The following OR8G5 variants were observed in gnomAD, a reference collection of about 807,000 sequenced individuals.
OR8G5 encodes the protein olfactory receptor family 8 subfamily G member 5, also known as olfactory receptor 8G5.
For synonymous variants in OR8G5, 147 were observed against 147.7 expected, an observed-to-expected ratio of 1.00 and a Z score of 0.03; for missense variants, 347 against 371.9, an observed-to-expected ratio of 0.93 and a Z score of 0.55.
At chr11:124,256,946 CTA>C (rs1315586982) in intron 1 of OR8G5, among the ~76,000 whole-genome samples, 2 of 152,156 alleles carry the variant, frequency 1.3e-5, no homozygotes, top group African/African-American at 4.8e-5. Context: ...GAGAATGGTT[CTA>C]TGATTATTAT....
chr11:124,265,012 C>G lies in OR8G5; in HGVS notation c.81C>G (p.Leu27=). The change falls in exon 2 of 2, where the codon CTC becomes CTG. Residue 27 remains leucine, a synonymous_variant. Coordinates refer to ENST00000641992, the MANE Select transcript of OR8G5 (RefSeq NM_001005198.2). ...LTEKSELQLP[L]FLVFLGIYVV... The stretch of plus-strand genomic sequence containing the variant: ...AGAAGTCAGAGCTACAGCTGCCCCT[C>G]TTCCTCGTCTTCCTGGGAATCTATG... 1 of 1,614,012 alleles carries G rather than the reference C, an allele frequency of 6.2e-7. No individual in the cohort carries two copies. Among genetic ancestry groups the G allele is most frequent in the Non-Finnish European group, 8.5e-7 (1 of 1,179,920 alleles).
At chr11:124,258,681 A>G (rs1250337082) in intron 1 of OR8G5, among the ~76,000 whole-genome samples, 1 of 152,172 alleles carries the variant, frequency 6.6e-6, no homozygotes, top group Non-Finnish European at 1.5e-5. Context: ...CCCATAGAAG[A>G]TGGTAATATT....
chr11:124,263,174 G>C (rs1312358077), intron 1 of OR8G5, among the ~76,000 whole-genome samples: 1 of 151,938 alleles, frequency 6.6e-6, no homozygotes, highest in Non-Finnish European at 1.5e-5. Context: ...TTGGTTGTCT[G>C]TGTACTATTA....
At chr11:124,257,090 A>C (rs1354462018) in intron 1 of OR8G5, among the ~76,000 whole-genome samples, 2 of 152,220 alleles carry the variant, frequency 1.3e-5, no homozygotes, top group East Asian at 1.9e-4. Flanking sequence ...AAATTCCAGG[A>C]ACTGAATGAA....
At position 124,265,083 on chromosome 11, in the gene OR8G5, T is replaced by G; in HGVS notation, c.152T>G (p.Leu51Arg). Reference sequence around the variant, plus strand: ...CTGGGCATGATCACACTGATTGGGCTCAGTTCTCACCTGCACACACCTATG... The same window carrying G: ...CTGGGCATGATCACACTGATTGGGCGCAGTTCTCACCTGCACACACCTATG... ...GNLGMITLIG[L>R]SSHLHTPMYC... Residue 51 changes from leucine (L) to arginine (R), a missense_variant, in exon 2 of 2, where the codon CTC becomes CGC. Coordinates refer to ENST00000641992, the MANE Select transcript of OR8G5 (RefSeq NM_001005198.2). 6.2e-7 allele frequency: 1 copy of G among 1,614,168 alleles called. No individual in the cohort carries two copies. Among genetic ancestry groups the G allele is most frequent in the Non-Finnish European group, 8.5e-7 (1 of 1,180,022 alleles).
In OR8G5 at chr11:124,265,277, G is replaced by T; in HGVS notation, c.346G>T (p.Ala116Ser). The T allele has an allele frequency of 6.2e-7, 1 of 1,614,034 alleles. No homozygotes were observed. The highest frequency in any genetic ancestry group is 8.5e-7 in the Non-Finnish European group (1 of 1,179,912). The change falls in exon 2 of 2, where the codon GCT (alanine) becomes TCT (serine). Residue 116 changes from alanine (A) to serine (S), a missense_variant. Ala to Ser is a moderately conservative substitution (Grantham distance 99). Coordinates refer to ENST00000641992, the MANE Select transcript of OR8G5 (RefSeq NM_001005198.2). ...TGCTATTGCAGAGTGTCACATGTTG[G>T]CTGCAATGGCATATGACGGCTACGT... Reference protein sequence around the residue: ...VFAIAECHMLAAMAYDGYVAI... With the variant: ...VFAIAECHMLSAMAYDGYVAI...
In OR8G5 at chr11:124,265,064, A is replaced by G. The variant is rs763418439; in HGVS notation, c.133A>G (p.Met45Val). ...AGTCACAGTGCTGGGGAACCTGGGC[A>G]TGATCACACTGATTGGGCTCAGTTC... ...YVVTVLGNLGMITLIGLSSHL... is the reference protein window; with the variant it reads ...YVVTVLGNLGVITLIGLSSHL... Residue 45 changes from methionine to valine, a missense_variant, in exon 2 of 2, where the codon ATG becomes GTG. Coordinates refer to ENST00000641992, the MANE Select transcript of OR8G5 (RefSeq NM_001005198.2). 126 of 1,614,030 alleles carry G rather than the reference A, an allele frequency of 7.8e-5. No homozygotes were observed. The highest frequency in any genetic ancestry group is 1.0e-4 in the Non-Finnish European group (122 of 1,180,034).
intron 1 of OR8G5, among the ~76,000 whole-genome samples, chr11:124,261,317 T>C (rs1476228664): frequency 6.6e-6 from 1 of 151,966 alleles, no homozygotes; most frequent in Non-Finnish European, 1.5e-5. Flanking sequence ...CTATTTCACA[T>C]GATATTCTTT....
At position 124,265,899 on chromosome 11, in the gene OR8G5, T is replaced by C. The variant is rs1862026099; in HGVS notation, c.*32T>C. ...GTACAATGAAAAAGATTGCATTAGATCTAAGTTTTTGGCTATGATATTGTA... is the reference window on the plus strand; with the variant it reads ...GTACAATGAAAAAGATTGCATTAGACCTAAGTTTTTGGCTATGATATTGTA... On this transcript the variant is annotated 3_prime_UTR_variant, in exon 2 of 2. Transcript: ENST00000641992. The C allele has an allele frequency of 6.4e-7, 1 of 1,551,954 alleles. No homozygotes were observed. The highest frequency in any genetic ancestry group is 8.7e-7 in the Non-Finnish European group (1 of 1,150,026).
intron 1 of OR8G5, among the ~76,000 whole-genome samples, chr11:124,260,321 G>A (rs1171582028): frequency 6.6e-6 from 1 of 151,874 alleles, no homozygotes; most frequent in African/African-American, 2.4e-5. Context: ...TTCATGAATG[G>A]AAACCCAAAT....
intron 1 of OR8G5, among the ~76,000 whole-genome samples, chr11:124,257,406 A>G (rs1174816016): frequency 2.0e-5 from 3 of 152,222 alleles, no homozygotes; most frequent in African/African-American, 7.2e-5. Context: ...GTCATACACT[A>G]AGTATGAAAC....
chr11:124,262,608 C>T (rs1360162910), intron 1 of OR8G5, among the ~76,000 whole-genome samples: 3 of 151,470 alleles, frequency 2.0e-5, no homozygotes, highest in Non-Finnish European at 2.9e-5. Flanking sequence ...CCATGTTAAA[C>T]GTATTTGTGA....
intron 1 of OR8G5, among the ~76,000 whole-genome samples, chr11:124,260,865 C>T (rs2466671): frequency 0.48 from 73,043 of 151,544 alleles, 18,363 homozygotes; most frequent in East Asian, 0.58. Flanking sequence ...AAATACACTA[C>T]ATGTTGTTGT....
At position 124,265,873 on chromosome 11, in the gene OR8G5, A is replaced by C; in HGVS notation, c.*6A>C. The C allele has an allele frequency of 3.1e-6, 5 of 1,593,486 alleles. No homozygotes were observed. Among genetic ancestry groups the C allele is most frequent in the African/African-American group, 2.7e-5 (2 of 74,218 alleles). On this transcript the variant is annotated 3_prime_UTR_variant, in exon 2 of 2. Transcript: ENST00000641992. ...GGAAAAGAACATTCTTATGAACAGA[A>C]GTACAATGAAAAAGATTGCATTAGA...
In OR8G5 at chr11:124,265,842, C is replaced by T. The variant is rs755299035; in HGVS notation, c.911C>T (p.Thr304Met). The T allele has an allele frequency of 9.9e-6, 16 of 1,612,540 alleles. No individual in the cohort carries two copies. Among genetic ancestry groups the T allele is most frequent in the Admixed American group, 3.3e-5 (2 of 59,810 alleles). ...NKDVHVALKK[T>M]LGKRTFL ...GATGTCCACGTTGCCCTGAAGAAAA[C>T]GCTAGGGAAAAGAACATTCTTATGA... The change falls in exon 2 of 2, where the codon ACG (threonine) becomes ATG (methionine). Residue 304 changes from threonine to methionine, a missense_variant. Transcript: ENST00000641992.
chr11:124,265,953 C>A lies in OR8G5; in HGVS notation c.*86C>A. On this transcript the variant is annotated 3_prime_UTR_variant, in exon 2 of 2. Transcript: ENST00000641992. ...AATGATGTCTTTCACTTTAGTGCAT[C>A]TGTCAACATTCTTTCTAATTTGGGG... is the stretch of plus-strand genomic sequence containing the variant. 7.0e-7 allele frequency: 1 copy of A among 1,428,384 alleles called. No homozygotes were observed. Among genetic ancestry groups the A allele is most frequent in the Non-Finnish European group, 9.3e-7 (1 of 1,074,814 alleles). 88.5% of individuals were successfully genotyped at this position (1,428,384 alleles called of 1,614,324 possible).
At chr11:124,261,855 G>A (rs1184641575) in intron 1 of OR8G5, among the ~76,000 whole-genome samples, 1 of 151,848 alleles carries the variant, frequency 6.6e-6, no homozygotes, top group Non-Finnish European at 1.5e-5. Context: ...ATGAAATTAA[G>A]ACAGACATTT....
At chr11:124,262,853 T>C (rs1401396754) in intron 1 of OR8G5, among the ~76,000 whole-genome samples, 5 of 152,132 alleles carry the variant, frequency 3.3e-5, no homozygotes, top group African/African-American at 9.7e-5. Flanking sequence ...AGAGGCAGAA[T>C]TCTGGATTTA....
intron 1 of OR8G5, among the ~76,000 whole-genome samples, chr11:124,261,695 T>G (rs935596339): frequency 2.0e-5 from 3 of 151,902 alleles, no homozygotes; most frequent in Non-Finnish European, 2.9e-5. Context: ...ATCATTGAAA[T>G]GTGTGTATTA....
Sources: gnomAD v4.1 joint callset for allele counts (sites outside exome capture counted in the v4.1 genomes callset) on GRCh38, gnomAD v4.1.1 for gene constraint, MANE v1.5 for transcripts, NCBI Gene and HGNC (gene_info 2026-07-23, HGNC 2026-07-21) for gene names.